PABIR3: variants seen among roughly 807,000 people sequenced by gnomAD.
PABIR3 encodes PABIR family member 1.
A neutral mutation model predicts 23.1 loss-of-function variants in PABIR3; 20 were observed. The ratio of observed to expected loss-of-function variants is 0.86; its 90% CI spans 0.61 to 1.26. The LOEUF is 1.26. PABIR3 is among the 50% of genes most tolerant of loss of function. PABIR3 has a pLI of 0.00. For synonymous variants in PABIR3, 69 were observed against 68.5 expected, an observed-to-expected ratio of 1.01 and a Z score of -0.04; for missense variants, 189 against 195.4, an observed-to-expected ratio of 0.97 and a Z score of 0.20.
upstream of PABIR3, chrX:134,807,163 C>T: frequency 1.3e-6 from 1 of 781,702 alleles, no homozygotes; most frequent in Non-Finnish European, 1.5e-6. Flanking sequence ...CAGGCGTCGT[C>T]CGGCTGATAG....
intron 2 of PABIR3, among the ~76,000 whole-genome samples, chrX:134,811,400 C>CTTT (rs771991631): frequency 9.9e-6 from 1 of 100,533 alleles, no homozygotes; most frequent in Non-Finnish European, 2.0e-5. Context: ...TGCCTCAATT[C>CTTT]TTTTTTTTTT....
chrX:134,861,015 G>A, the PABIR3 span, among the ~76,000 whole-genome samples: 1 of 112,156 alleles, frequency 8.9e-6, no homozygotes, highest in Non-Finnish European at 1.9e-5. Context: ...AGTGGCTCAC[G>A]CCTATAATCC....
chrX:134,809,123 G>A, intron 2 of PABIR3: 2 of 163,095 alleles, frequency 1.2e-5, no homozygotes, highest in Admixed American at 7.9e-5. Context: ...CTAAATGATG[G>A]TTAACTGTAT....
At chrX:134,848,872 G>A (rs1342334857) in intron 8 of PABIR3, among the ~76,000 whole-genome samples, 1 of 111,307 alleles carries the variant, frequency 9.0e-6, no homozygotes, top group Non-Finnish European at 1.9e-5. Context: ...GTGTGGTGGT[G>A]CATGCCTGTA....
intron 2 of PABIR3, chrX:134,809,911 A>G: frequency 1.3e-6 from 1 of 754,513 alleles, no homozygotes; most frequent in Non-Finnish European, 1.6e-6. Context: ...TTGACCAAAA[A>G]AAAATACATT....
intron 4 of PABIR3, among the ~76,000 whole-genome samples, chrX:134,844,805 TGTGA>T (rs1001478605): frequency 8.9e-6 from 1 of 112,412 alleles, no homozygotes; most frequent in Non-Finnish European, 1.9e-5. Context: ...GTCTGTGTAC[TGTGA>T]GTAATTTTTA....
intron 5 of PABIR3, 39 bp from the exon 6 acceptor site, chrX:134,845,307 CT>C: frequency 4.2e-6 from 5 of 1,193,115 alleles, no homozygotes; most frequent in Non-Finnish European, 5.7e-6. Flanking sequence ...TATATCTTTT[CT>C]TTCAGATAGG....
chrX:134,828,047 C>CTCTCTCTCTCTCTCTCTATA (rs1466733144), intron 3 of PABIR3, among the ~76,000 whole-genome samples: 1 of 49,420 alleles, frequency 2.0e-5, no homozygotes, highest in African/African-American at 8.2e-5. Flanking sequence ...CTCTCTCTCT[C>CTCTCTCTCTCTCTCTCTATA]TATATATATA....
chrX:134,809,421 T>G (rs1370457766), intron 2 of PABIR3: 3 of 624,735 alleles, frequency 4.8e-6, no homozygotes, highest in Non-Finnish European at 5.7e-6. Context: ...CACCTTGGCC[T>G]CCCAAAGTGT....
upstream of PABIR3, chrX:134,804,241 A>G (rs1269036666): frequency 7.8e-6 from 9 of 1,148,130 alleles, no homozygotes; most frequent in Non-Finnish European, 1.0e-5. Flanking sequence ...CAAGAAACAC[A>G]GCTAGGTTGG....
chrX:134,820,670 C>T (rs962689081), intron 3 of PABIR3, among the ~76,000 whole-genome samples: 1 of 111,682 alleles, frequency 9.0e-6, no homozygotes, highest in Non-Finnish European at 1.9e-5. Context: ...GTAAGTTTCA[C>T]GTTAGTGTAT....
chrX:134,847,589 C>T (rs2082477786), intron 7 of PABIR3, 114 bp downstream of exon 7: 1 of 511,686 alleles, frequency 2.0e-6, no homozygotes, highest in Non-Finnish European at 3.2e-6. Context: ...CACAGTACAT[C>T]TGATTCTAAC....
Position 134,844,646 on chromosome X carries a change from C to T in PABIR3, c.247-559C>T, listed in dbSNP as rs190834067. 1.2e-4 allele frequency among the ~76,000 whole-genome samples: 13 copies of T among 112,141 alleles called. No individual in the cohort carries two copies. The East Asian group carries it at 3.4e-3, about 29-fold the overall frequency. On this transcript the variant is annotated intron_variant, in intron 4 of 10. Coordinates refer to ENST00000645433, the MANE Select transcript of PABIR3 (RefSeq NM_001388447.1). ...AGTTTCTGGTGAACATCTTTCTGAG[C>T]ACCTCTCTTACAATTTTACATAAAT...
chrX:134,828,282 G>T (rs1421853269), intron 3 of PABIR3, among the ~76,000 whole-genome samples: 2 of 109,301 alleles, frequency 1.8e-5, no homozygotes, highest in African/African-American at 6.7e-5. Flanking sequence ...GTAGAGATGG[G>T]GTTTCACCAT....
At chrX:134,821,029 T>A (rs188507034) in intron 3 of PABIR3, among the ~76,000 whole-genome samples, 101 of 102,959 alleles carry the variant, frequency 9.8e-4, no homozygotes, top group Middle Eastern at 4.9e-3. Context: ...ATGAAAAAAA[T>A]ATATATATAC....
chrX:134,853,754 G>C (rs755539678), intron 10 of PABIR3, among the ~76,000 whole-genome samples: 6 of 110,594 alleles, frequency 5.4e-5, no homozygotes, highest in African/African-American at 2.0e-4. Flanking sequence ...TGAGTAGCTG[G>C]GACTACAGGC....
At chrX:134,847,202 G>A (rs1214097257) in intron 6 of PABIR3, among the ~76,000 whole-genome samples, 181 bp from the exon 7 acceptor site, 1 of 112,181 alleles carries the variant, frequency 8.9e-6, no homozygotes, top group Non-Finnish European at 1.9e-5. Flanking sequence ...GGAAAAGGGT[G>A]CCTTTGCTTA....
intron 3 of PABIR3, among the ~76,000 whole-genome samples, chrX:134,828,303 C>T (rs1051262567): frequency 2.7e-5 from 3 of 110,220 alleles, no homozygotes; most frequent in Non-Finnish European, 3.8e-5. Flanking sequence ...GTTGGCCAGG[C>T]TGGTCTTGAA....
At chrX:134,828,033 C>A (rs2081583791) in intron 3 of PABIR3, among the ~76,000 whole-genome samples, 1 of 69,562 alleles carries the variant, frequency 1.4e-5, no homozygotes, top group African/African-American at 5.0e-5. Flanking sequence ...CTCTCTCTCT[C>A]TCTCTCTCTC....
Sources: gnomAD v4.1 joint callset for allele counts (sites outside exome capture counted in the v4.1 genomes callset) on GRCh38, gnomAD v4.1.1 for gene constraint, MANE v1.5 for transcripts, NCBI Gene and HGNC (gene_info 2026-07-23, HGNC 2026-07-21) for gene names.